The following PATJ variants were observed in gnomAD, a reference collection of about 807,000 sequenced individuals.
PATJ encodes inaD-like protein.
In PATJ, 190 loss-of-function variants were observed where a neutral mutation model predicts 224.9. That is an observed-to-expected ratio of 0.84 (90% CI 0.75 to 0.95). The LOEUF (loss-of-function observed/expected upper bound fraction) is 0.95, where lower values mean the gene tolerates loss of function less well. PATJ is among the 40% of genes least tolerant of loss of function. The pLI is 0.00. For missense variants in PATJ, 2,121 were observed against 2,270.3 expected (o/e 0.93, Z 1.34); for synonymous variants, 769 against 820.3 (o/e 0.94, Z 1.07).
At chr1:61,827,719 T>C in intron 16 of PATJ, 136 bp downstream of exon 16, 1 of 649,696 alleles carries the variant, frequency 1.5e-6, no homozygotes, top group South Asian at 4.7e-5. Context: ...CAACAATGCA[T>C]AGCTTTTCAA....
At chr1:62,132,005 T>C (rs572062331) in intron 41 of PATJ, among the ~76,000 whole-genome samples, 5 of 151,686 alleles carry the variant, frequency 3.3e-5, no homozygotes, top group African/African-American at 7.3e-5. Context: ...TGCACCACCA[T>C]ACCTGGCTAA....
chr1:61,898,309 T>C (rs1259701146), intron 22 of PATJ, among the ~76,000 whole-genome samples: 1 of 152,126 alleles, frequency 6.6e-6, no homozygotes, highest in East Asian at 1.9e-4. Flanking sequence ...GGTGTGATCA[T>C]AGCTCACTAC....
intron 30 of PATJ, among the ~76,000 whole-genome samples, chr1:62,045,437 AT>A (rs1207339168): frequency 6.6e-6 from 1 of 152,186 alleles, no homozygotes; most frequent in African/African-American, 2.4e-5. Context: ...TATGTGGAAG[AT>A]TTTGGGAGAG....
chr1:61,927,844 A>G lies in PATJ; in HGVS notation c.3670+15A>G, dbSNP rs372617063. On this transcript the variant is annotated intron_variant, in intron 27 of 43. Transcript: ENST00000642238. ...CTTTACCGACCGTGAGTGCCTTTTC[A>G]CTATTTAGGGTAGATGCAGAACTTA... 216 of 1,544,824 alleles carry G rather than the reference A, an allele frequency of 1.4e-4. No homozygotes were observed. In the African/African-American group the frequency reaches 2.5e-3, roughly 18 times the overall value.
At chr1:62,013,390 G>A (rs934736415) in intron 28 of PATJ, 1 of 985,170 alleles carries the variant, frequency 1.0e-6, no homozygotes, top group African/African-American at 1.7e-5. Flanking sequence ...ACTCGCAGTT[G>A]ATTAAGCACC....
intron 28 of PATJ, among the ~76,000 whole-genome samples, chr1:62,001,040 G>T (rs1161467754): frequency 1.3e-5 from 2 of 151,942 alleles, no homozygotes; most frequent in African/African-American, 4.8e-5. Flanking sequence ...GGGGTTGTTT[G>T]TTTTTTTCTT....
At position 61,864,384 on chromosome 1, in the gene PATJ, G is replaced by T. The variant is rs778666831; in HGVS notation, c.2586G>T (p.Gln862His). The T allele has an allele frequency of 3.1e-6, 5 of 1,613,916 alleles. No homozygotes were observed. Among genetic ancestry groups the T allele is most frequent in the Non-Finnish European group, 4.2e-6 (5 of 1,179,916 alleles). Residue 862 changes from glutamine to histidine, a missense_variant, in exon 20 of 44, where the codon CAG becomes CAT. Physicochemically the swap from Gln to His is conservative, Grantham distance 24 (BLOSUM62 0). Coordinates refer to ENST00000642238, the MANE Select transcript of PATJ (RefSeq NM_001350145.3). ...ATGAATTTCTGACTCCTAGATTGCA[G>T]GAAATGGATGAAGAAAGAGAAATTC... Reference protein sequence around the residue: ...EMHEFLTPRLQEMDEEREILV... With the variant: ...EMHEFLTPRLHEMDEEREILV...
chr1:61,896,959 T>C (rs1261552095), intron 22 of PATJ, among the ~76,000 whole-genome samples: 1 of 152,206 alleles, frequency 6.6e-6, no homozygotes, highest in Non-Finnish European at 1.5e-5. Context: ...GTAGTATCTT[T>C]ATAACAGTGT....
intron 27 of PATJ, among the ~76,000 whole-genome samples, chr1:61,945,441 A>G (rs927155846): frequency 6.6e-6 from 1 of 152,138 alleles, no homozygotes; most frequent in Non-Finnish European, 1.5e-5. Context: ...AGTCTCTGAT[A>G]AAACAGACTT....
In PATJ at chr1:61,913,462, C is replaced by G. The variant is rs537238138; in HGVS notation, c.3493-1125C>G. Among the ~76,000 whole-genome samples the G allele has an allele frequency of 3.2e-4, 49 of 152,306 alleles. No homozygotes were observed. In the East Asian group the frequency reaches 7.9e-3, roughly 25 times the overall value. Reference sequence around the variant, plus strand: ...GACTCCAGCGATCCTCCTGCCTTAGCCTCTCAAAGTGCTGGGATTGCAGAT... The same window carrying G: ...GACTCCAGCGATCCTCCTGCCTTAGGCTCTCAAAGTGCTGGGATTGCAGAT... On this transcript the variant is annotated intron_variant, in intron 25 of 43. Coordinates refer to ENST00000642238, the MANE Select transcript of PATJ (RefSeq NM_001350145.3).
chr1:61,886,919 A>G (rs12129341), intron 22 of PATJ, among the ~76,000 whole-genome samples: 148,492 of 150,290 alleles, frequency 0.99, 73,373 homozygotes, highest in Middle Eastern at 1. Context: ...AGGTTGATGC[A>G]GCAATGAGCT....
At chr1:62,066,232 T>C (rs969150846) in intron 31 of PATJ, among the ~76,000 whole-genome samples, 16 of 152,204 alleles carry the variant, frequency 1.1e-4, no homozygotes, top group African/African-American at 3.1e-4. Flanking sequence ...TTGTATCTTA[T>C]ATGAGATTGG....
intron 6 of PATJ, among the ~76,000 whole-genome samples, chr1:61,773,746 T>G (rs1462292392): frequency 6.6e-6 from 1 of 151,024 alleles, no homozygotes; most frequent in African/African-American, 2.4e-5. Context: ...ATTATGCCAC[T>G]GTACTCCTGC....
intron 3 of PATJ, among the ~76,000 whole-genome samples, chr1:61,765,584 C>T (rs988207472): frequency 3.9e-5 from 6 of 152,028 alleles, no homozygotes; most frequent in Admixed American, 6.6e-5. Flanking sequence ...GGGGTTTCAC[C>T]ACTGACATTT....
intron 27 of PATJ, among the ~76,000 whole-genome samples, chr1:61,985,310 CAA>C (rs66603413): frequency 1.3e-5 from 2 of 150,012 alleles, no homozygotes; most frequent in African/African-American, 2.5e-5. Context: ...GACTCTGACT[CAA>C]AAAAAAAGAA....
intron 28 of PATJ, among the ~76,000 whole-genome samples, chr1:61,995,577 T>TA (rs1435768854): frequency 1.3e-5 from 2 of 152,194 alleles, no homozygotes; most frequent in Non-Finnish European, 2.9e-5. Flanking sequence ...ACTGCACCAT[T>TA]ACAGTGGAAG....
chr1:62,042,033 G>A (rs935661639), intron 30 of PATJ, among the ~76,000 whole-genome samples: 1 of 151,978 alleles, frequency 6.6e-6, no homozygotes, highest in Non-Finnish European at 1.5e-5. Flanking sequence ...AGAAAATAAA[G>A]CAGGCTAGTA....
At position 62,158,255 on chromosome 1, in the gene PATJ, G is replaced by C. The variant is rs945093331; in HGVS notation, c.5503-2653G>C. ...CCTGTAGTCTACAAATGCGGCATTG[G>C]TAAAGTAGGAGAGTAGATACATATC... On this transcript the variant is annotated intron_variant, in intron 43 of 43. Transcript: ENST00000642238. 2.0e-5 allele frequency among the ~76,000 whole-genome samples: 3 copies of C among 149,372 alleles called. No individual in the cohort carries two copies. The East Asian group carries it at 5.8e-4, about 29-fold the overall frequency.
rs1646471516 is a variant in PATJ at position 61,769,342 on chromosome 1, T to C, written c.444T>C (p.Ser148=). Residue 148 remains serine (S), a synonymous_variant, in exon 5 of 44, where the codon AGT becomes AGC. Transcript: ENST00000642238. The part of the protein sequence containing the change: ...ERPSTGGLGF[S]VVALRSQNLG... ...CTTCAACTGGAGGCCTTGGATTCAG[T>C]GTGGTGGCCCTCAGAAGTCAAAATC... The C allele has an allele frequency of 1.2e-6, 2 of 1,613,932 alleles. No homozygotes were observed. The highest frequency in any genetic ancestry group is 1.3e-5 in the African/African-American group (1 of 74,906).
Sources: gnomAD v4.1 joint callset for allele counts (sites outside exome capture counted in the v4.1 genomes callset) on GRCh38, gnomAD v4.1.1 for gene constraint, MANE v1.5 for transcripts, NCBI Gene and HGNC (gene_info 2026-07-23, HGNC 2026-07-21) for gene names.